The following MYLK3 variants were observed in gnomAD, a reference collection of about 807,000 sequenced individuals.
The protein encoded by MYLK3 is myosin light chain kinase 3.
MYLK3 carries 55 observed loss-of-function variants against 76.3 expected under a neutral mutation model. That is an observed-to-expected ratio of 0.72 (90% CI 0.58 to 0.90). MYLK3 has a LOEUF of 0.90. Among genes scored for constraint, MYLK3 ranks in the 40% least tolerant of loss-of-function variants. The pLI, the probability that MYLK3 is intolerant of heterozygous loss-of-function variation, is 0.00. For synonymous variants in MYLK3, 416 were observed against 425.4 expected (o/e 0.98, Z 0.27); for missense variants, 973 against 1,053.6 (o/e 0.92, Z 1.06).
chr16:46,729,476 C>T (rs1466991339), intron 6 of MYLK3, 118 bp downstream of exon 6: 4 of 962,180 alleles, frequency 4.2e-6, no homozygotes, highest in Non-Finnish European at 6.4e-6. Flanking sequence ...GGTGGGAATT[C>T]TGGAAAAGAG....
intron 1 of MYLK3, 57 bp downstream of exon 1, chr16:46,747,660 G>A: frequency 6.5e-7 from 1 of 1,535,040 alleles, no homozygotes; most frequent in Non-Finnish European, 8.9e-7. Flanking sequence ...TGCCTGGCCA[G>A]TCTCCCACCA....
intron 3 of MYLK3, among the ~76,000 whole-genome samples, chr16:46,733,678 C>T (rs1158300657): frequency 3.9e-5 from 6 of 152,142 alleles, no homozygotes; most frequent in Non-Finnish European, 8.8e-5. Context: ...CTCTCCGAGT[C>T]TCCCCACCTC....
chr16:46,739,985 G>C (rs551001361), intron 2 of MYLK3, 72 bp downstream of exon 2: 2 of 1,066,768 alleles, frequency 1.9e-6, no homozygotes, highest in Non-Finnish European at 2.8e-6. Flanking sequence ...ACTGTGGGCC[G>C]TGTTGTTGGG....
chr16:46,717,261 G>A (rs1185104022), intron 9 of MYLK3, among the ~76,000 whole-genome samples: 1 of 152,166 alleles, frequency 6.6e-6, no homozygotes, highest in East Asian at 1.9e-4. Flanking sequence ...ACTGCTCACT[G>A]GTAGGGAACC....
chr16:46,712,288 A>G (rs544543598), intron 10 of MYLK3, among the ~76,000 whole-genome samples: 1 of 152,146 alleles, frequency 6.6e-6, no homozygotes, highest in South Asian at 2.1e-4. Context: ...CACCATGCCC[A>G]GCTCAACCCA....
upstream of MYLK3, chr16:46,748,345 G>T (rs1967067535): frequency 7.5e-7 from 1 of 1,341,416 alleles, no homozygotes; most frequent in Admixed American, 2.9e-5. This position sits in a 1 kb window ranked among gnomAD's most constrained non-coding sequence, Gnocchi z 4.3. Context: ...TGGGCTGTGT[G>T]AGGAGCGCAG....
At chr16:46,734,277 C>T (rs1448147121) in intron 3 of MYLK3, among the ~76,000 whole-genome samples, 10 of 152,188 alleles carry the variant, frequency 6.6e-5, no homozygotes, top group Non-Finnish European at 1.5e-4. Context: ...CATCGATGGA[C>T]CCTGAGGACA....
intron 1 of MYLK3, chr16:46,757,494 GCA>G (rs1184175793): frequency 3.0e-6 from 3 of 985,334 alleles, no homozygotes; most frequent in Non-Finnish European, 2.4e-6. Flanking sequence ...CTGGAGTGGG[GCA>G]CAGAGTCCCC....
At chr16:46,732,969 T>A (rs1966855783) in intron 3 of MYLK3, among the ~76,000 whole-genome samples, 1 of 152,158 alleles carries the variant, frequency 6.6e-6, no homozygotes, top group Admixed American at 6.5e-5. Flanking sequence ...TCCCTCTACC[T>A]TCCCCTGGGC....
Position 46,727,469 on chromosome 16 carries a change from G to A in MYLK3, c.1773-92C>T, listed in dbSNP as rs918395407. 4.7e-5 allele frequency: 66 copies of A among 1,407,300 alleles called. 1 individual carries two copies. The highest frequency in any genetic ancestry group is 1.8e-4 in the Middle Eastern group (1 of 5,418). The allele number at this position is 1,407,300 out of a possible 1,614,324, so 87.2% of individuals were successfully genotyped here. ...TTATAGGGCCAAAAGAGGCCAGCCC[G>A]GGTAGGCCCACCATCACACCCCATG... On this transcript the variant is annotated intron_variant, in intron 7 of 12. Transcript: ENST00000394809.
intron 1 of MYLK3, among the ~76,000 whole-genome samples, chr16:46,754,677 C>A (rs1053459758): frequency 2.0e-5 from 3 of 152,146 alleles, no homozygotes; most frequent in Non-Finnish European, 2.9e-5. Context: ...TATAAATTAT[C>A]CAGTTTCAGG....
At chr16:46,758,180 C>T (rs1967224680) in intron 1 of MYLK3, among the ~76,000 whole-genome samples, 1 of 151,348 alleles carries the variant, frequency 6.6e-6, no homozygotes, top group African/African-American at 2.4e-5. Flanking sequence ...GGGAGGGCTC[C>T]CTGGCCAGAT....
chr16:46,732,576 G>A lies in MYLK3; in HGVS notation c.1094C>T (p.Pro365Leu). 6.3e-7 allele frequency: 1 copy of A among 1,599,208 alleles called. No homozygotes were observed. Among genetic ancestry groups the A allele is most frequent in the Non-Finnish European group, 8.5e-7 (1 of 1,179,392 alleles). Reference protein sequence around the residue: ...SLGPTLTTEAPAAAQPGKQGP... With the variant: ...SLGPTLTTEALAAAQPGKQGP... ...CTGCTTGCCTGGCTGGGCAGCTGCT[G>A]GAGCCTCTGTGGTGAGGGTGGGTCC... The change falls in exon 4 of 13, where the codon CCA becomes CTA. Residue 365 changes from proline (P) to leucine (L), a missense_variant. Coordinates refer to ENST00000394809, the MANE Select transcript of MYLK3 (RefSeq NM_182493.3).
intron 2 of MYLK3, among the ~76,000 whole-genome samples, chr16:46,738,880 A>G (rs1253492925): frequency 6.6e-6 from 1 of 152,192 alleles, no homozygotes; most frequent in Non-Finnish European, 1.5e-5. Flanking sequence ...TGCTCTTGTC[A>G]CCCAGGCTGG....
At chr16:46,726,705 GAAAGA>G (rs1966842271) in intron 8 of MYLK3, 1 of 134,652 alleles carries the variant, frequency 7.4e-6, no homozygotes, top group Non-Finnish European at 1.6e-5. Context: ...AAGAAAGAAA[GAAAGA>G]AAGAAAGAAA....
In MYLK3 at chr16:46,712,775, A is replaced by G; in HGVS notation, c.1987T>C (p.Tyr663His). The change falls in exon 10 of 13, where the codon TAC (tyrosine) becomes CAC (histidine). Residue 663 changes from tyrosine (Y) to histidine (H), a missense_variant and splice_region_variant. By Grantham distance (83) the Tyr-to-His change is moderately conservative. Around this residue, in one of 2 missense-constraint regions of MYLK3, gnomAD observed 332 missense variants for 416.6 expected, o/e 0.80. Transcript: ENST00000394809. Reference sequence around the variant, plus strand: ...ACCTTCAGCTTCTCTCGAGGCTTGTACCTGGGGAGAAGGGGAGGGTACAAA... The same window carrying G: ...ACCTTCAGCTTCTCTCGAGGCTTGTGCCTGGGGAGAAGGGGAGGGTACAAA... ...KIIDFGLARR[Y>H]KPREKLKVNF... The G allele has an allele frequency of 6.3e-7, 1 of 1,590,434 alleles. No individual in the cohort carries two copies. Among genetic ancestry groups the G allele is most frequent in the Non-Finnish European group, 8.6e-7 (1 of 1,168,762 alleles).
chr16:46,744,065 C>T (rs955386538), intron 1 of MYLK3, among the ~76,000 whole-genome samples: 2 of 152,112 alleles, frequency 1.3e-5, no homozygotes, highest in African/African-American at 4.8e-5. Context: ...GATGGAGTCT[C>T]GCTGTCACCC....
upstream of MYLK3, among the ~76,000 whole-genome samples, chr16:46,751,369 T>C (rs1967122300): frequency 6.6e-6 from 1 of 151,824 alleles, no homozygotes; most frequent in Non-Finnish European, 1.5e-5. Context: ...ATGGTGCCAC[T>C]GCACTCCAGC....
intron 9 of MYLK3, among the ~76,000 whole-genome samples, chr16:46,713,010 G>C (rs553966774): frequency 6.6e-6 from 1 of 152,208 alleles, no homozygotes; most frequent in East Asian, 1.9e-4. Context: ...TCCTCCTCCA[G>C]GCATTTGCTT....
Sources: allele counts gnomAD v4.1 joint callset (sites outside exome capture counted in the v4.1 genomes callset), GRCh38; gene constraint gnomAD v4.1.1; regional missense constraint gnomAD v4.1.1; non-coding constraint Gnocchi (gnomAD v3.1); transcripts MANE v1.5; gene names NCBI Gene and HGNC (gene_info 2026-07-23, HGNC 2026-07-21).